The following DEAF1 variants were observed in gnomAD, a reference collection of about 807,000 sequenced individuals.
The protein encoded by DEAF1 is deformed epidermal autoregulatory factor 1 homolog.
In DEAF1, 53 loss-of-function variants were observed where a neutral mutation model predicts 58.9. The observed-to-expected ratio is 0.90, with a 90% CI of 0.72 to 1.13. DEAF1 has a LOEUF of 1.13. DEAF1 is among the 50% of genes most tolerant of loss of function. The pLI, the probability that DEAF1 is intolerant of heterozygous loss-of-function variation, is 0.00. For missense variants in DEAF1, 685 were observed against 791.4 expected (o/e 0.87, Z 1.61); for synonymous variants, 385 against 340.4 (o/e 1.13, Z -1.44).
intron 1 of DEAF1, chr11:703,409 A>T: frequency 7.5e-7 from 1 of 1,338,608 alleles, no homozygotes; most frequent in East Asian, 2.9e-5. Flanking sequence ...GAGTCCCAGG[A>T]GCGCACACTC....
chr11:698,876 A>T (rs750866476), upstream of DEAF1: 1 of 1,613,976 alleles, frequency 6.2e-7, no homozygotes, highest in East Asian at 2.2e-5. Context: ...CAGGGAGAGG[A>T]TCCTCCACAG....
At chr11:692,787 A>G (rs1296450046) in intron 1 of DEAF1, among the ~76,000 whole-genome samples, 6 of 151,204 alleles carry the variant, frequency 4.0e-5, no homozygotes. Context: ...GGGAGGCGGG[A>G]GGTTGCGGTG....
At chr11:680,678 T>G (rs1014261870) in intron 7 of DEAF1, among the ~76,000 whole-genome samples, 1 of 152,172 alleles carries the variant, frequency 6.6e-6, no homozygotes, top group Non-Finnish European at 1.5e-5. Flanking sequence ...AAACGTCCCC[T>G]GAGCGTGTGC....
chr11:680,891 G>C, intron 7 of DEAF1, 72 bp downstream of exon 7: 5 of 1,602,914 alleles, frequency 3.1e-6, no homozygotes, highest in Non-Finnish European at 4.3e-6. Flanking sequence ...AGTGGCCGTG[G>C]GAGTGGTGAC....
chr11:653,525 CAAT>C (rs1564924903), intron 11 of DEAF1, among the ~76,000 whole-genome samples: 2 of 113,350 alleles, frequency 1.8e-5, no homozygotes, highest in Admixed American at 9.3e-5. Flanking sequence ...GTGGAGGGCT[CAAT>C]AATAGAGGAA....
intron 10 of DEAF1, chr11:666,016 C>T (rs1859507539): frequency 6.6e-6 from 1 of 152,166 alleles, no homozygotes; most frequent in African/African-American, 2.4e-5. Context: ...AGACCGAGAA[C>T]ACTGAGCAGA....
chr11:692,143 CTG>C (rs1860863697), intron 1 of DEAF1: 1 of 219,622 alleles, frequency 4.6e-6, no homozygotes, highest in Non-Finnish European at 9.3e-6. Flanking sequence ...TACATCTAAC[CTG>C]CCTATGTCCC....
chr11:644,362 G>A lies in DEAF1; in HGVS notation c.*188C>T, dbSNP rs886780236. On this transcript the variant is annotated 3_prime_UTR_variant, in exon 12 of 12. Transcript: ENST00000382409. This position sits in a 1 kb window ranked among gnomAD's most constrained non-coding sequence, Gnocchi z 4.3. ...CTGTCCGCGAGCGGGCAGGGGGCCCGGGCAGGGGGAGTGCGCTTCCCAGGG... is the reference window on the plus strand; with the variant it reads ...CTGTCCGCGAGCGGGCAGGGGGCCCAGGCAGGGGGAGTGCGCTTCCCAGGG... 3.9e-5 allele frequency: 25 copies of A among 641,336 alleles called. 1 individual carries two copies. The highest frequency in any genetic ancestry group is 8.1e-4 in the Middle Eastern group (2 of 2,454). 39.7% of individuals were successfully genotyped at this position (641,336 alleles called of 1,614,324 possible).
rs2133261633 is a variant in DEAF1 at position 644,413 on chromosome 11, G to A, written c.*137C>T. 1 of 730,918 alleles carries A rather than the reference G, an allele frequency of 1.4e-6. No homozygotes were observed. Among genetic ancestry groups the A allele is most frequent in the Non-Finnish European group, 2.4e-6 (1 of 415,600 alleles). The allele number at this position is 730,918 out of a possible 1,614,324, so 45.3% of individuals were successfully genotyped here. ...CACCATTCGCTTAAAGTGTGTTAAT[G>A]ACTTGTCCAGCAAGTTTCTTTACCT... On this transcript the variant is annotated 3_prime_UTR_variant, in exon 12 of 12. Transcript: ENST00000382409. The surrounding 1 kb of genome is among the most constrained non-coding windows in gnomAD (Gnocchi z 4.3).
intron 2 of DEAF1, 65 bp downstream of exon 2, chr11:691,435 CG>C: frequency 6.7e-7 from 1 of 1,483,138 alleles, no homozygotes; most frequent in Non-Finnish European, 9.3e-7. Context: ...GGGAGAGCCT[CG>C]GGGAAGCCGG....
At chr11:650,651 G>T (rs1298886885) in intron 11 of DEAF1, among the ~76,000 whole-genome samples, 2 of 149,920 alleles carry the variant, frequency 1.3e-5, no homozygotes, top group Non-Finnish European at 3.0e-5. Flanking sequence ...AGCCAAAAAG[G>T]TTTTTTTTAA....
upstream of DEAF1, among the ~76,000 whole-genome samples, chr11:696,315 C>T (rs1861154969): frequency 1.3e-5 from 2 of 152,052 alleles, no homozygotes; most frequent in African/African-American, 4.8e-5. Flanking sequence ...CCGCCTTCTG[C>T]TGTCTGTGGG....
chr11:692,358 A>G (rs922448907), intron 1 of DEAF1: 2 of 154,876 alleles, frequency 1.3e-5, no homozygotes, highest in African/African-American at 4.8e-5. Flanking sequence ...TCTGCCGCCA[A>G]CACCCCCACA....
chr11:679,544 A>T, intron 8 of DEAF1, 144 bp downstream of exon 8: 1 of 1,304,052 alleles, frequency 7.7e-7, no homozygotes, highest in Non-Finnish European at 1.1e-6. Context: ...CGTGGCTCAC[A>T]CGCTGTCCCC....
chr11:698,730 A>C, upstream of DEAF1: 28 of 981,682 alleles, frequency 2.9e-5, no homozygotes, highest in East Asian at 1.2e-4. Flanking sequence ...TGGCAGGCCC[A>C]CGGTATATGT....
chr11:674,189 T>A lies in DEAF1; in HGVS notation c.1503+347A>T, dbSNP rs146218741. ...ATACTCAGAGACTCAATAGATGATG[T>A]TCTCCAAACTTCATAAAATATAAGC... On this transcript the variant is annotated intron_variant, in intron 10 of 11. Transcript: ENST00000382409. The A allele has an allele frequency of 8.0e-4, 277 of 348,026 alleles. 4 individuals carry two copies. The Admixed American group carries it at 9.4e-3, about 12-fold the overall frequency. 21.6% of individuals were successfully genotyped at this position (348,026 alleles called of 1,614,324 possible).
At chr11:692,542 A>G (rs1370637785) in intron 1 of DEAF1, among the ~76,000 whole-genome samples, 1 of 152,156 alleles carries the variant, frequency 6.6e-6, no homozygotes, top group Non-Finnish European at 1.5e-5. Context: ...CCCAGCACTC[A>G]CCAAACTGCC....
rs12277188 is a variant in DEAF1 at position 688,091 on chromosome 11, C to G, written c.518-34G>C. 1 of 1,612,818 alleles carries G rather than the reference C, an allele frequency of 6.2e-7. No individual in the cohort carries two copies. Among genetic ancestry groups the G allele is most frequent in the South Asian group, 1.1e-5 (1 of 91,000 alleles). On this transcript the variant is annotated intron_variant, in intron 3 of 11. Coordinates refer to ENST00000382409, the MANE Select transcript of DEAF1 (RefSeq NM_021008.4). This position sits in a 1 kb window ranked among gnomAD's most constrained non-coding sequence, Gnocchi z 4.3. ...GAGAAAGTGTTTGAAGGTGAGAGGC[C>G]GGACACCGGGAAGCATAGTACACTC...
chr11:674,687 C>T lies in DEAF1; in HGVS notation c.1352G>A (p.Arg451Gln), dbSNP rs757975287. Residue 451 changes from arginine to glutamine, a missense_variant, in exon 10 of 12, where the codon CGG becomes CAG. Physicochemically the swap from Arg to Gln is conservative, Grantham distance 43 (BLOSUM62 1). Around this residue, in one of 3 missense-constraint regions of DEAF1, gnomAD observed 343 missense variants for 379.8 expected, o/e 0.90. Transcript: ENST00000382409. ...LVNGLELSEP[R>Q]SWLYLEEMVN... is the part of the protein sequence containing the mutation. ...CATCTCTTCTAGGTACAGCCAGCTC[C>T]GCGGCTCTGACAGCTCCAGCCCATT... The T allele has an allele frequency of 4.3e-6, 7 of 1,614,000 alleles. No homozygotes were observed. The highest frequency in any genetic ancestry group is 4.5e-5 in the East Asian group (2 of 44,894).
Sources: gnomAD v4.1 joint callset for allele counts (sites outside exome capture counted in the v4.1 genomes callset) on GRCh38, gnomAD v4.1.1 for gene constraint, gnomAD v4.1.1 regional missense constraint, Gnocchi (gnomAD v3.1) non-coding constraint, MANE v1.5 for transcripts, NCBI Gene and HGNC (gene_info 2026-07-23, HGNC 2026-07-21) for gene names.